SUMF1: variants seen among roughly 807,000 people sequenced by gnomAD.
SUMF1 encodes formylglycine-generating enzyme.
Under a neutral mutation model 47.6 loss-of-function variants are expected in SUMF1, and 48 were observed. The observed-to-expected ratio is 1.01, with a 90% CI of 0.80 to 1.28. SUMF1 has a LOEUF of 1.28. SUMF1 is among the 50% of genes most tolerant of loss of function. The pLI is 0.00. For synonymous variants in SUMF1, 230 were observed against 192.1 expected, an observed-to-expected ratio of 1.20 and a Z score of -1.63; for missense variants, 571 against 485.4, an observed-to-expected ratio of 1.18 and a Z score of -1.66.
chr3:4,442,137 G>A (rs926953435), intron 3 of SUMF1, among the ~76,000 whole-genome samples: 3 of 152,132 alleles, frequency 2.0e-5, no homozygotes, highest in Admixed American at 2.0e-4. Context: ...AGCATGGAGG[G>A]ACAGTTTGAC....
intron 8 of SUMF1, among the ~76,000 whole-genome samples, chr3:4,331,036 T>G (rs1699041394): frequency 6.6e-6 from 1 of 152,204 alleles, no homozygotes; most frequent in South Asian, 2.1e-4. Flanking sequence ...AAATAATCAT[T>G]TTAAATTTTA....
intron 8 of SUMF1, among the ~76,000 whole-genome samples, chr3:4,353,418 A>C (rs961972232): frequency 6.6e-6 from 1 of 152,018 alleles, no homozygotes; most frequent in Admixed American, 6.6e-5. Context: ...ACGCCCGGCT[A>C]ATTTTTTGTA....
intron 9 of SUMF1, among the ~76,000 whole-genome samples, chr3:4,035,435 C>G (rs1269481912): frequency 6.6e-6 from 1 of 152,180 alleles, no homozygotes; most frequent in East Asian, 1.9e-4. Context: ...CTGTTATCAT[C>G]CTCTTTTGTC....
chr3:4,258,976 A>G (rs1575029040), intron 8 of SUMF1, among the ~76,000 whole-genome samples: 3 of 149,554 alleles, frequency 2.0e-5, no homozygotes, highest in South Asian at 2.1e-4. Flanking sequence ...ACATGGATGA[A>G]ATTGGAGATC....
intron 8 of SUMF1, among the ~76,000 whole-genome samples, chr3:4,175,884 T>C (rs1375693155): frequency 6.6e-6 from 1 of 152,040 alleles, no homozygotes; most frequent in Non-Finnish European, 1.5e-5. Context: ...GAGAACTTCA[T>C]GACACATGCA....
At chr3:4,303,530 G>A (rs1299798816) in intron 8 of SUMF1, 26 of 1,400,360 alleles carry the variant, frequency 1.9e-5, no homozygotes, top group Non-Finnish European at 2.1e-5. Context: ...CTTCCAGGTA[G>A]GGGCGGGGCC....
intron 3 of SUMF1, among the ~76,000 whole-genome samples, chr3:4,443,398 A>T (rs1363354953): frequency 6.6e-6 from 1 of 152,220 alleles, no homozygotes; most frequent in Non-Finnish European, 1.5e-5. Flanking sequence ...ACTAGAAATA[A>T]AATAAAAAGT....
chr3:4,436,654 T>G (rs1356962131), intron 3 of SUMF1, among the ~76,000 whole-genome samples: 1 of 150,588 alleles, frequency 6.6e-6, no homozygotes, highest in Non-Finnish European at 1.5e-5. Flanking sequence ...ATAATGGACA[T>G]TAGAAAATAT....
chr3:4,149,485 C>T lies in SUMF1; in HGVS notation c.1015-80740G>A, dbSNP rs527481286. Among the ~76,000 whole-genome samples the T allele has an allele frequency of 7.7e-4, 117 of 152,258 alleles. 2 individuals carry two copies. In the South Asian group the frequency reaches 0.023, roughly 29 times the overall value. On this transcript the variant is annotated intron_variant and NMD_transcript_variant, in intron 8 of 12. Transcript: ENST00000448413. Reference sequence around the variant, plus strand: ...CCTCTACCACATCCCCACATGGTCACTGAGCCAACATAATGACACAGTCAC... The same window carrying T: ...CCTCTACCACATCCCCACATGGTCATTGAGCCAACATAATGACACAGTCAC...
intron 3 of SUMF1, among the ~76,000 whole-genome samples, chr3:4,422,840 G>A (rs889280665): frequency 5.9e-5 from 9 of 151,838 alleles, no homozygotes; most frequent in African/African-American, 2.2e-4. Context: ...GGAACAGGTG[G>A]TATTTGGTTA....
At position 4,456,705 on chromosome 3, in the gene SUMF1, C is replaced by CGT. The variant is rs772414119; in HGVS notation, c.271-3658_271-3657dup. 9.9e-3 allele frequency among the ~76,000 whole-genome samples: 994 copies of CGT among 100,412 alleles called. 52 individuals are homozygous for CGT. The highest frequency in any genetic ancestry group is 0.029 in the East Asian group (87 of 3,024). 65.9% of individuals were successfully genotyped at this position (100,412 alleles called of 152,430 possible). On this transcript the variant is annotated intron_variant, in intron 1 of 8. Coordinates refer to ENST00000272902, the MANE Select transcript of SUMF1 (RefSeq NM_182760.4). Reference sequence around the variant, plus strand: ...ATATATATGTGTGTATATATATATACGTATATATATACATATATATACGTG... The same window carrying CGT: ...ATATATATGTGTGTATATATATATACGTGTATATATATACATATATATACGTG...
intron 8 of SUMF1, among the ~76,000 whole-genome samples, chr3:4,237,457 G>C (rs1486816771): frequency 6.6e-6 from 1 of 151,870 alleles, no homozygotes; most frequent in Non-Finnish European, 1.5e-5. Flanking sequence ...CAGATCTTTT[G>C]CCCATTTTTT....
intron 7 of SUMF1, among the ~76,000 whole-genome samples, chr3:4,388,948 A>G (rs1700761958): frequency 6.6e-6 from 1 of 152,174 alleles, no homozygotes; most frequent in African/African-American, 2.4e-5. Flanking sequence ...ATTTAGAACC[A>G]TATCAGACAA....
intron 8 of SUMF1, among the ~76,000 whole-genome samples, chr3:4,096,269 GT>G (rs1169235720): frequency 6.6e-6 from 1 of 152,112 alleles, no homozygotes; most frequent in Admixed American, 6.6e-5. Flanking sequence ...TAAGTACGGA[GT>G]GAGGACTGCA....
At chr3:4,133,344 A>G (rs1300867069) in intron 8 of SUMF1, among the ~76,000 whole-genome samples, 1 of 152,078 alleles carries the variant, frequency 6.6e-6, no homozygotes, top group East Asian at 1.9e-4. Flanking sequence ...TGACCTTATT[A>G]TTGTCCTTAT....
chr3:4,316,400 G>C, intron 8 of SUMF1: 2 of 1,571,428 alleles, frequency 1.3e-6, no homozygotes, highest in Non-Finnish European at 1.7e-6. Context: ...TTGAAGATGA[G>C]GAGCGTAGTG....
intron 8 of SUMF1, among the ~76,000 whole-genome samples, chr3:4,353,329 T>A (rs1338780031): frequency 5.9e-5 from 9 of 152,206 alleles, no homozygotes; most frequent in Non-Finnish European, 1.2e-4. Context: ...CTCCGCTCAC[T>A]GCAAACTCCG....
chr3:4,102,632 C>A (rs1357668516), intron 8 of SUMF1, among the ~76,000 whole-genome samples: 1 of 152,130 alleles, frequency 6.6e-6, no homozygotes, highest in Admixed American at 6.5e-5. Context: ...TAGTGCTTCC[C>A]ATGTTCTACA....
chr3:4,097,468 G>T (rs543888859), intron 8 of SUMF1, among the ~76,000 whole-genome samples: 2 of 151,922 alleles, frequency 1.3e-5, no homozygotes, highest in Non-Finnish European at 2.9e-5. Flanking sequence ...CAGGAGAATC[G>T]CTTGAACCTG....
Sources: gnomAD v4.1 joint callset for allele counts (sites outside exome capture counted in the v4.1 genomes callset) on GRCh38, gnomAD v4.1.1 for gene constraint, MANE v1.5 for transcripts, NCBI Gene and HGNC (gene_info 2026-07-23, HGNC 2026-07-21) for gene names.